Variants in ERC2 observed in about 807,000 individuals in gnomAD.
The protein encoded by ERC2 is ERC protein 2.
A neutral mutation model predicts 114.8 loss-of-function variants in ERC2; 42 were observed. That is an observed-to-expected ratio of 0.37 (90% CI 0.29 to 0.47). The LOEUF is 0.47. ERC2 is among the 20% of genes least tolerant of loss of function. ERC2 has a pLI of 0.99. For synonymous variants in ERC2, 454 were observed against 425.5 expected, an observed-to-expected ratio of 1.07 and a Z score of -0.82; for missense variants, 939 against 1,150.7, an observed-to-expected ratio of 0.82 and a Z score of 2.66.
chr3:55,585,083 G>A (rs11922207), intron 17 of ERC2, among the ~76,000 whole-genome samples: 26,925 of 152,206 alleles, frequency 0.18, 2,524 homozygotes, highest in Non-Finnish European at 0.22. Context: ...TGCTGCTTCC[G>A]CTGTGGTCCC....
rs539024381 is a variant in ERC2, at chr3:55,661,468, T to C, written c.*39+22326A>G. 7.9e-5 allele frequency among the ~76,000 whole-genome samples: 12 copies of C among 152,286 alleles called. 1 individual carries two copies. The South Asian group carries it at 2.5e-3, about 32-fold the overall frequency. On this transcript the variant is annotated intron_variant, in intron 17 of 17. Coordinates refer to ENST00000288221, the MANE Select transcript of ERC2 (RefSeq NM_015576.3). ...CTCTCCTCTCCTCCCCCTTGGGACC[T>C]CTCTGCCTCTTCTGCTGCCTAATCT...
At chr3:55,723,660 G>A (rs1209395953) in intron 15 of ERC2, among the ~76,000 whole-genome samples, 1 of 152,154 alleles carries the variant, frequency 6.6e-6, no homozygotes, top group Non-Finnish European at 1.5e-5. Flanking sequence ...ATCATGAGAG[G>A]AGAGGGTGAA....
chr3:55,533,588 G>C (rs2053804922), intron 17 of ERC2, among the ~76,000 whole-genome samples: 1 of 152,194 alleles, frequency 6.6e-6, no homozygotes. Flanking sequence ...GCCAAGAAGA[G>C]AGGAGGTGAG....
In ERC2 at chr3:55,883,889, AAACAAC is replaced by A. The variant is rs57990581; in HGVS notation, c.2564+4494_2564+4499del. Among the ~76,000 whole-genome samples, 852 of 132,000 alleles carry A rather than the reference AAACAAC, an allele frequency of 6.5e-3. 6 individuals carry two copies. The highest frequency in any genetic ancestry group is 0.02 in the Middle Eastern group (5 of 252). 86.6% of individuals were successfully genotyped at this position (132,000 alleles called of 152,430 possible). A position where few individuals can be genotyped will look rare whatever the true frequency, so the allele number is the denominator to read the frequency against. On this transcript the variant is annotated intron_variant, in intron 14 of 17. Transcript: ENST00000288221. Reference sequence around the variant, plus strand: ...GGCAACAGAGTGAGGCTCCGTCTCAAAACAACAACAACAACAACAACAACAACAACA... The same window carrying A: ...GGCAACAGAGTGAGGCTCCGTCTCAAAACAACAACAACAACAACAACAACA...
intron 3 of ERC2, among the ~76,000 whole-genome samples, chr3:56,273,378 C>T (rs2053787654): frequency 6.6e-6 from 1 of 151,180 alleles, no homozygotes; most frequent in Non-Finnish European, 1.5e-5. Context: ...CACATCTTCC[C>T]AAGTACCAAG....
chr3:55,835,532 G>T (rs2060835118), intron 14 of ERC2, among the ~76,000 whole-genome samples: 1 of 152,096 alleles, frequency 6.6e-6, no homozygotes, highest in Non-Finnish European at 1.5e-5. Context: ...TGCAGAAAAG[G>T]CCTTTGACAA....
chr3:55,831,202 C>T (rs921189104), intron 14 of ERC2, among the ~76,000 whole-genome samples: 1 of 149,904 alleles, frequency 6.7e-6, no homozygotes, highest in African/African-American at 2.5e-5. Flanking sequence ...GTCCTAGCTA[C>T]TTAGGAGGCT....
chr3:56,070,949 C>A (rs1310461549), intron 7 of ERC2, among the ~76,000 whole-genome samples: 1 of 152,144 alleles, frequency 6.6e-6, no homozygotes, highest in Non-Finnish European at 1.5e-5. Flanking sequence ...TAGCCATTAT[C>A]TTTTCCAGGA....
intron 3 of ERC2, among the ~76,000 whole-genome samples, chr3:56,232,665 C>T (rs900447296): frequency 6.6e-6 from 1 of 152,210 alleles, no homozygotes; most frequent in African/African-American, 2.4e-5. Flanking sequence ...TGGCCAGGGC[C>T]ATGATGTTGC....
intron 17 of ERC2, among the ~76,000 whole-genome samples, chr3:55,528,397 C>T (rs991594103): frequency 1.3e-5 from 2 of 152,184 alleles, no homozygotes; most frequent in Non-Finnish European, 2.9e-5. Context: ...AGGATGAAAA[C>T]AAGTGAATTC....
intron 2 of ERC2, among the ~76,000 whole-genome samples, chr3:56,317,392 C>T (rs942734330): frequency 7.9e-5 from 12 of 151,988 alleles, no homozygotes; most frequent in African/African-American, 1.2e-4. Context: ...ACGAAGGTAG[C>T]GATACTCATC....
At chr3:55,776,735 A>G (rs912475070) in intron 14 of ERC2, among the ~76,000 whole-genome samples, 1 of 152,188 alleles carries the variant, frequency 6.6e-6, no homozygotes, top group Non-Finnish European at 1.5e-5. Context: ...TCTAATCCTC[A>G]GGACCTTGTA....
At chr3:55,849,807 G>A (rs2061498900) in intron 14 of ERC2, among the ~76,000 whole-genome samples, 2 of 152,158 alleles carry the variant, frequency 1.3e-5, no homozygotes, top group Admixed American at 1.3e-4. Flanking sequence ...TTCCAGGACT[G>A]CCCAAATTAG....
chr3:55,904,051 G>C lies in ERC2; in HGVS notation c.2404-15502C>G, dbSNP rs190522101. ...TGAGATTAATCCATAATCCTGTTTC[G>C]TGTTTAAAAATTCAGGTTCTAAAAG... On this transcript the variant is annotated intron_variant, in intron 13 of 17. Coordinates refer to ENST00000288221, the MANE Select transcript of ERC2 (RefSeq NM_015576.3). 2.6e-5 allele frequency among the ~76,000 whole-genome samples: 4 copies of C among 152,258 alleles called. No homozygotes were observed. The South Asian group carries it at 6.2e-4, about 24-fold the overall frequency.
At chr3:56,349,363 AC>A (rs554033224) in intron 2 of ERC2, among the ~76,000 whole-genome samples, 2 of 152,132 alleles carry the variant, frequency 1.3e-5, no homozygotes, top group Non-Finnish European at 2.9e-5. Context: ...ACACCCACTT[AC>A]CCCCACCAAC....
chr3:56,264,204 A>G (rs369048105), intron 3 of ERC2, among the ~76,000 whole-genome samples: 1 of 152,336 alleles, frequency 6.6e-6, no homozygotes, highest in African/African-American at 2.4e-5. Context: ...ATCATACTCA[A>G]TGGGGAAAAA....
intron 14 of ERC2, among the ~76,000 whole-genome samples, chr3:55,795,292 T>G (rs2070383179): frequency 6.6e-6 from 1 of 152,104 alleles, no homozygotes; most frequent in Non-Finnish European, 1.5e-5. Flanking sequence ...CCCCTGTCAG[T>G]TGGAATTTAG....
rs186754228 is a variant in ERC2 at position 55,887,029 on chromosome 3, G to A, written c.2564+1360C>T. ...CTCTTGTCTGCATAATGACTACAGT[G>A]ACTCAAACAGACAAAAGTTCTAGTC... On this transcript the variant is annotated intron_variant, in intron 14 of 17. Coordinates refer to ENST00000288221, the MANE Select transcript of ERC2 (RefSeq NM_015576.3). Among the ~76,000 whole-genome samples the A allele has an allele frequency of 3.3e-5, 5 of 152,240 alleles. No individual in the cohort carries two copies. In the East Asian group the frequency reaches 9.7e-4, roughly 29 times the overall value.
intron 17 of ERC2, among the ~76,000 whole-genome samples, chr3:55,611,741 G>A (rs1406751252): frequency 6.6e-6 from 1 of 152,164 alleles, no homozygotes; most frequent in Non-Finnish European, 1.5e-5. Flanking sequence ...GAGCAACCAT[G>A]TCTTGAAAGG....
Sources: gnomAD v4.1 joint callset for allele counts (sites outside exome capture counted in the v4.1 genomes callset) on GRCh38, gnomAD v4.1.1 for gene constraint, MANE v1.5 for transcripts, NCBI Gene and HGNC (gene_info 2026-07-23, HGNC 2026-07-21) for gene names.